The following GGT1 variants were observed in gnomAD, a reference collection of about 807,000 sequenced individuals.
GGT1 encodes gamma-glutamyltransferase 1.
A neutral mutation model predicts 56.0 loss-of-function variants in GGT1; 21 were observed. The observed-to-expected ratio is 0.38, with a 90% CI of 0.27 to 0.54. The LOEUF is 0.54. Ranked by LOEUF, GGT1 falls within the 20% of genes least tolerant of loss-of-function variation. GGT1 has a pLI of 0.82. For missense variants in GGT1, 466 were observed against 787.0 expected, an observed-to-expected ratio of 0.59 and a Z score of 4.88; for synonymous variants, 238 against 342.6, an observed-to-expected ratio of 0.69 and a Z score of 3.37.
At chr22:24,627,181 T>C (rs1791779767) in intron 11 of GGT1, 12 of 1,128,978 alleles carry the variant, frequency 1.1e-5, no homozygotes, top group Admixed American at 5.8e-5. Flanking sequence ...GAATGAGTGA[T>C]TGAATGCAGC....
At position 24,610,955 on chromosome 22, in the gene GGT1, G is replaced by T. The variant is rs573617441; in HGVS notation, c.-7-120G>T. 6.5e-5 allele frequency: 53 copies of T among 810,388 alleles called. No homozygotes were observed. The African/African-American group carries it at 7.2e-4, about 11-fold the overall frequency. 50.2% of individuals were successfully genotyped at this position (810,388 alleles called of 1,614,324 possible). A position where few individuals can be genotyped will look rare whatever the true frequency, so the allele number is the denominator to read the frequency against. ...GGACAGCCTGCACGTATTCTGGGAA[G>T]CGGGAAGGAGACACAGGCCTTGTGT... is the stretch of plus-strand genomic sequence containing the variant. On this transcript the variant is annotated intron_variant, in intron 4 of 15. Coordinates refer to ENST00000400382, the MANE Select transcript of GGT1 (RefSeq NM_001288833.2).
intron 7 of GGT1, among the ~76,000 whole-genome samples, chr22:24,616,646 G>A (rs1029026172): frequency 2.7e-5 from 4 of 146,468 alleles, no homozygotes; most frequent in Non-Finnish European, 4.5e-5. Flanking sequence ...CTGAGTTCAC[G>A]CCATTCTCCT....
chr22:24,591,299 G>A (rs113893053), upstream of GGT1, among the ~76,000 whole-genome samples: 440 of 152,282 alleles, frequency 2.9e-3, 5 homozygotes, highest in African/African-American at 9.1e-3. Flanking sequence ...GGCTGGTCTC[G>A]AATTCCCGAC....
At chr22:24,585,552 T>A in the GGT1 span, 1 of 364,218 alleles carries the variant, frequency 2.7e-6, no homozygotes, top group Admixed American at 4.4e-5. Context: ...CCCTTTTGGA[T>A]AGACACAGCC....
upstream of GGT1, among the ~76,000 whole-genome samples, chr22:24,590,940 A>G (rs1447620221): frequency 6.6e-6 from 1 of 151,958 alleles, no homozygotes; most frequent in African/African-American, 2.4e-5. Context: ...TCCTGCCAAG[A>G]TTCAGGCCTC....
chr22:24,625,748 C>T (rs545228725), intron 11 of GGT1, among the ~76,000 whole-genome samples: 115 of 150,714 alleles, frequency 7.6e-4, no homozygotes, highest in Non-Finnish European at 5.2e-4. Flanking sequence ...TCACCGTGAT[C>T]GCGATCTCCT....
At chr22:24,598,860 A>C (rs1601611826), upstream of GGT1, among the ~76,000 whole-genome samples, 1 of 151,740 alleles carries the variant, frequency 6.6e-6, no homozygotes, top group East Asian at 1.9e-4. Context: ...GCCATGGATG[A>C]GTTCTTGTTC....
chr22:24,615,242 C>T, intron 7 of GGT1, 115 bp downstream of exon 7: 1 of 695,116 alleles, frequency 1.4e-6, no homozygotes, highest in Non-Finnish European at 2.5e-6. Flanking sequence ...CTGTCACCCC[C>T]CATCCCTTCC....
upstream of GGT1, chr22:24,589,880 C>T (rs199978445): frequency 2.0e-4 from 320 of 1,613,856 alleles, 1 homozygote; most frequent in Non-Finnish European, 2.4e-4. Context: ...GAGATGGGGT[C>T]GACCGGGTTG....
At chr22:24,583,895 G>C in the GGT1 span, 1 of 415,922 alleles carries the variant, frequency 2.4e-6, no homozygotes, top group African/African-American at 2.0e-5. Context: ...CAAGGGACTG[G>C]AGAGCTTGGC....
rs888726471 is a variant in GGT1, at chr22:24,603,310, T to G, written c.-646T>G. The G allele has an allele frequency of 1.3e-5, 2 of 152,354 alleles. No homozygotes were observed. The highest frequency in any genetic ancestry group is 4.8e-5 in the African/African-American group (2 of 41,474). 9.4% of individuals were successfully genotyped at this position (152,354 alleles called of 1,614,324 possible). A position where few individuals can be genotyped will look rare whatever the true frequency, so the allele number is the denominator to read the frequency against. On this transcript the variant is annotated 5_prime_UTR_variant, in exon 1 of 16. Coordinates refer to ENST00000400382, the MANE Select transcript of GGT1 (RefSeq NM_001288833.2). ...GCGCCGCTCACCCTCTCTGAGCTGG[T>G]GGACATCATAGGTGGGGAAGCTCAG...
In GGT1 at chr22:24,614,901, C is replaced by T. The variant is rs765580965; in HGVS notation, c.290C>T (p.Thr97Ile). The T allele has an allele frequency of 7.4e-6, 12 of 1,613,222 alleles. No individual in the cohort carries two copies. Among genetic ancestry groups the T allele is most frequent in the Non-Finnish European group, 1.0e-5 (12 of 1,179,670 alleles). The stretch of plus-strand genomic sequence containing the variant: ...CTCTTCCTCACCATCTACAACAGCA[C>T]CACACGTGAGTGCCTCGGGAGAGGA... ...GGLFLTIYNS[T>I]TRKAEVINAR... The change falls in exon 6 of 16, where the codon ACC (threonine) becomes ATC (isoleucine). Residue 97 changes from threonine to isoleucine, a missense_variant. Transcript: ENST00000400382.
At chr22:24,599,281 C>G (rs558673130), upstream of GGT1, 5 of 151,658 alleles carry the variant, frequency 3.3e-5, no homozygotes, top group African/African-American at 1.2e-4. Context: ...AAGAGTGTCT[C>G]CATGATAATG....
chr22:24,621,197 G>C (rs2047389254), intron 9 of GGT1, 127 bp downstream of exon 9: 12 of 1,467,850 alleles, frequency 8.2e-6, no homozygotes, highest in Non-Finnish European at 1.1e-5. Flanking sequence ...AGGAGGGTCA[G>C]TGACTGGCCA....
At chr22:24,583,870 G>A in the GGT1 span, 2 of 455,678 alleles carry the variant, frequency 4.4e-6, no homozygotes, top group Non-Finnish European at 9.1e-6. Context: ...TGGTGGGCAG[G>A]GAGTCAGCAG....
chr22:24,583,945 G>T, the GGT1 span: 3 of 361,718 alleles, frequency 8.3e-6, no homozygotes, highest in African/African-American at 2.1e-5. Flanking sequence ...TCAGAGGCCT[G>T]CTTATGTGAC....
At chr22:24,619,081 C>G (rs1415450616) in intron 7 of GGT1, among the ~76,000 whole-genome samples, 1 of 152,044 alleles carries the variant, frequency 6.6e-6, no homozygotes, top group East Asian at 1.9e-4. Context: ...CGTAGCAAGA[C>G]CCCTGTCTCT....
chr22:24,599,392 CGGGCACCAGCAAGGTAGGACAAGGG>C (rs2045746584), upstream of GGT1: 1 of 149,180 alleles, frequency 6.7e-6, no homozygotes, highest in Non-Finnish European at 1.5e-5. Context: ...GAGGAAAGGA[CGGGCACCAGCAAGGTAGGACAAGGG>C]GGGCCTCTGG....
At chr22:24,610,694 C>T (rs1377598348) in intron 4 of GGT1, among the ~76,000 whole-genome samples, 163 bp downstream of exon 4, 1 of 143,138 alleles carries the variant, frequency 7.0e-6, no homozygotes, top group Non-Finnish European at 1.6e-5. Flanking sequence ...CCAGGCCAGG[C>T]CCATCCCTAC....
Sources: allele counts gnomAD v4.1 joint callset (sites outside exome capture counted in the v4.1 genomes callset), GRCh38; gene constraint gnomAD v4.1.1; transcripts MANE v1.5; gene names NCBI Gene and HGNC (gene_info 2026-07-23, HGNC 2026-07-21).